GAREM1: variants seen among roughly 807,000 people sequenced by gnomAD.
The protein encoded by GAREM1 is GRB2 associated regulator of MAPK1 subtype 1.
In GAREM1, 26 loss-of-function variants were observed where a neutral mutation model predicts 71.3. The observed-to-expected ratio is 0.36, with a 90% CI of 0.27 to 0.51. The LOEUF (loss-of-function observed/expected upper bound fraction) is 0.51. Among genes scored for constraint, GAREM1 ranks in the 20% least tolerant of loss-of-function variants. The probability of loss-of-function intolerance (pLI) is 0.95; values close to 1 mark genes in which losing one functional copy is unlikely to be tolerated. For missense variants in GAREM1, 1,026 were observed against 1,103.1 expected (o/e 0.93, Z 0.99); for synonymous variants, 440 against 433.2 (o/e 1.02, Z -0.20).
chr18:32,432,909 A>G (rs1194511581), intron 1 of GAREM1, among the ~76,000 whole-genome samples: 1 of 152,134 alleles, frequency 6.6e-6, no homozygotes, highest in African/African-American at 2.4e-5. Flanking sequence ...TCAAGAAAAT[A>G]TAAGACAACA....
intron 2 of GAREM1, among the ~76,000 whole-genome samples, chr18:32,373,364 G>A (rs906178258): frequency 6.6e-6 from 1 of 152,126 alleles, no homozygotes; most frequent in African/African-American, 2.4e-5. Context: ...CTAAGCTGAT[G>A]AATGTCTGTA....
intron 1 of GAREM1, among the ~76,000 whole-genome samples, chr18:32,397,396 T>C (rs958160757): frequency 5.3e-5 from 8 of 152,146 alleles, no homozygotes; most frequent in Admixed American, 1.3e-4. Flanking sequence ...GTGTGCTGTA[T>C]ACAGGAGACC....
chr18:32,285,069 G>A (rs889894993), intron 4 of GAREM1, among the ~76,000 whole-genome samples: 6 of 151,966 alleles, frequency 3.9e-5, no homozygotes, highest in Admixed American at 1.3e-4. Context: ...CTTTTTACCC[G>A]GCTTTTGATG....
chr18:32,445,129 C>A (rs1393525273), intron 1 of GAREM1, among the ~76,000 whole-genome samples: 1 of 152,148 alleles, frequency 6.6e-6, no homozygotes, highest in Admixed American at 6.5e-5. Flanking sequence ...AAAGTCAGCA[C>A]ATCCAACCCC....
At chr18:32,442,479 A>T (rs1221293322) in intron 1 of GAREM1, among the ~76,000 whole-genome samples, 1 of 152,226 alleles carries the variant, frequency 6.6e-6, no homozygotes, top group African/African-American at 2.4e-5. Flanking sequence ...TAAAAAGAGC[A>T]GTATCACCAA....
At chr18:32,417,063 T>C (rs1325780627) in intron 1 of GAREM1, among the ~76,000 whole-genome samples, 1 of 152,080 alleles carries the variant, frequency 6.6e-6, no homozygotes, top group Admixed American at 6.6e-5. Context: ...GGCAAAATAT[T>C]TGAATGGACA....
At chr18:32,380,076 C>A (rs187174119) in intron 2 of GAREM1, among the ~76,000 whole-genome samples, 1 of 152,264 alleles carries the variant, frequency 6.6e-6, no homozygotes, top group East Asian at 1.9e-4. Flanking sequence ...CGCCATGACA[C>A]GCATGGTTGC....
chr18:32,378,568 A>T (rs1245660848), intron 2 of GAREM1, among the ~76,000 whole-genome samples: 1 of 152,110 alleles, frequency 6.6e-6, no homozygotes, highest in Non-Finnish European at 1.5e-5. Flanking sequence ...AAAACATAGA[A>T]GACCTTTCTG....
intron 1 of GAREM1, among the ~76,000 whole-genome samples, chr18:32,429,242 C>T (rs1176803269): frequency 6.6e-6 from 1 of 152,314 alleles, no homozygotes; most frequent in East Asian, 1.9e-4. Context: ...TGTCATTCTA[C>T]ACTATTAGGT....
chr18:32,418,439 G>A (rs1180251882), intron 1 of GAREM1, among the ~76,000 whole-genome samples: 1 of 152,044 alleles, frequency 6.6e-6, no homozygotes, highest in Non-Finnish European at 1.5e-5. Context: ...GCCACATACT[G>A]TTCTTTTGCT....
At chr18:32,463,074 TA>T (rs1483485112) in intron 1 of GAREM1, among the ~76,000 whole-genome samples, 1 of 142,316 alleles carries the variant, frequency 7.0e-6, no homozygotes, top group African/African-American at 2.7e-5. Context: ...GAGGATTTTA[TA>T]TGTTCCCACT....
rs183610548 is a variant in GAREM1 at position 32,369,946 on chromosome 18, T to C, written c.262+22949A>G. On this transcript the variant is annotated intron_variant, in intron 2 of 5. Transcript: ENST00000269209. The stretch of plus-strand genomic sequence containing the variant: ...TTCTTCAACTGTGAGGTTTGGGGGA[T>C]GAACAAGGTGACCCTTCACTTAGAG... Among the ~76,000 whole-genome samples the C allele has an allele frequency of 7.6e-4, 116 of 152,316 alleles. 1 individual carries two copies. In the East Asian group the frequency reaches 0.018, roughly 24 times the overall value.
At chr18:32,310,967 G>A (rs79085625) in intron 2 of GAREM1, among the ~76,000 whole-genome samples, 9,544 of 152,120 alleles carry the variant, frequency 0.063, 449 homozygotes, top group African/African-American at 0.13. Flanking sequence ...TGAGCCTGCC[G>A]GCCACTCAGC....
chr18:32,348,051 A>T (rs1351310116), intron 2 of GAREM1, among the ~76,000 whole-genome samples: 2 of 152,238 alleles, frequency 1.3e-5, no homozygotes, highest in African/African-American at 4.8e-5. Context: ...ACTAGATTTT[A>T]ATTTGCCTAG....
At chr18:32,313,770 G>A (rs538940708) in intron 2 of GAREM1, among the ~76,000 whole-genome samples, 12 of 152,280 alleles carry the variant, frequency 7.9e-5, no homozygotes, top group South Asian at 2.1e-4. Flanking sequence ...AGAATAAAGA[G>A]ACCACTTATA....
At chr18:32,346,347 C>G (rs979240443) in intron 2 of GAREM1, among the ~76,000 whole-genome samples, 2 of 152,158 alleles carry the variant, frequency 1.3e-5, no homozygotes, top group African/African-American at 4.8e-5. Flanking sequence ...TCAAGATACT[C>G]TCACATAAAA....
intron 3 of GAREM1, among the ~76,000 whole-genome samples, chr18:32,300,924 AAAG>A (rs1437216947): frequency 6.7e-6 from 1 of 149,228 alleles, no homozygotes; most frequent in Admixed American, 6.6e-5. Context: ...AAAAAAAAAA[AAAG>A]AAGAAGGCAC....
In GAREM1 at chr18:32,470,259, G is replaced by A; in HGVS notation, c.121+49C>T. On this transcript the variant is annotated intron_variant, in intron 1 of 5. Transcript: ENST00000269209. This position sits in a 1 kb window ranked among gnomAD's most constrained non-coding sequence, Gnocchi z 4.4. ...CCAGCACACGCGCGCACACCCGCGT[G>A]GAGACGGCTGTCCTCGCCCGTCTGC... is the stretch of plus-strand genomic sequence containing the variant. 5 of 1,431,950 alleles carry A rather than the reference G, an allele frequency of 3.5e-6. No homozygotes were observed. The South Asian group carries it at 5.5e-5, about 16-fold the overall frequency. 88.7% of individuals were successfully genotyped at this position (1,431,950 alleles called of 1,614,324 possible).
chr18:32,342,173 T>C (rs967071875), intron 2 of GAREM1, among the ~76,000 whole-genome samples: 3 of 152,166 alleles, frequency 2.0e-5, no homozygotes, highest in Non-Finnish European at 2.9e-5. Flanking sequence ...GTTGGTACTA[T>C]TATTATCTTC....
Sources: gnomAD v4.1 joint callset for allele counts (sites outside exome capture counted in the v4.1 genomes callset) on GRCh38, gnomAD v4.1.1 for gene constraint, Gnocchi (gnomAD v3.1) non-coding constraint, MANE v1.5 for transcripts, NCBI Gene and HGNC (gene_info 2026-07-23, HGNC 2026-07-21) for gene names.